The following VPS8 variants were observed in gnomAD, a reference collection of about 807,000 sequenced individuals.
VPS8 encodes VPS8 subunit of CORVET complex, also known as vacuolar protein sorting-associated protein 8 homolog.
Under a neutral mutation model 216.4 loss-of-function variants are expected in VPS8, and 129 were observed. The observed-to-expected ratio is 0.60, with a 90% CI of 0.52 to 0.69. The LOEUF (loss-of-function observed/expected upper bound fraction) is 0.69. VPS8 is among the 30% of genes least tolerant of loss of function. VPS8 has a pLI of 0.00. For missense variants in VPS8, 1,531 were observed against 1,683.5 expected, an observed-to-expected ratio of 0.91 and a Z score of 1.59; for synonymous variants, 571 against 565.4, an observed-to-expected ratio of 1.01 and a Z score of -0.14.
At chr3:184,890,265 C>G (rs1732098987) in intron 22 of VPS8, among the ~76,000 whole-genome samples, 1 of 152,148 alleles carries the variant, frequency 6.6e-6, no homozygotes, top group Non-Finnish European at 1.5e-5. Context: ...TTAAGGAATG[C>G]TCAGATTTTG....
chr3:184,986,696 C>G (rs1027246282), intron 42 of VPS8, among the ~76,000 whole-genome samples: 13 of 152,146 alleles, frequency 8.5e-5, no homozygotes, highest in Non-Finnish European at 1.5e-4. Context: ...CTGTCACTCT[C>G]CATGGAGCTG....
At chr3:184,950,383 G>A (rs1006168740) in intron 36 of VPS8, among the ~76,000 whole-genome samples, 4 of 151,750 alleles carry the variant, frequency 2.6e-5, no homozygotes, top group African/African-American at 9.7e-5. Flanking sequence ...AGGCTAAGCC[G>A]AAGTGGACCT....
chr3:184,953,461 A>T (rs2109433033), intron 36 of VPS8, among the ~76,000 whole-genome samples: 1 of 152,290 alleles, frequency 6.6e-6, no homozygotes, highest in African/African-American at 2.4e-5. Flanking sequence ...TGGGGTCAGC[A>T]GAAGGAATAT....
intron 21 of VPS8, among the ~76,000 whole-genome samples, chr3:184,875,732 A>G (rs899825133): frequency 1.3e-5 from 2 of 151,134 alleles, no homozygotes; most frequent in African/African-American, 2.4e-5. Context: ...CACACCTACA[A>G]TCTCAGCATT....
chr3:184,922,733 A>G (rs935624716), intron 29 of VPS8, among the ~76,000 whole-genome samples: 5 of 152,136 alleles, frequency 3.3e-5, no homozygotes, highest in Admixed American at 3.3e-4. Flanking sequence ...GAGGAGGAGT[A>G]TAGGCAGTGA....
At chr3:184,824,096 T>G (rs924043490) in intron 1 of VPS8, 19 of 152,620 alleles carry the variant, frequency 1.2e-4, no homozygotes, top group African/African-American at 4.6e-4. Flanking sequence ...GAGACGTCTG[T>G]GGCCCTGTGC....
In VPS8 at chr3:184,996,485, G is replaced by A; in HGVS notation, c.3820G>A (p.Glu1274Lys). Residue 1274 changes from glutamate to lysine, a missense_variant, in exon 44 of 48, where the codon GAA becomes AAA. Physicochemically the swap from Glu to Lys is moderately conservative, Grantham distance 56 (BLOSUM62 1). This residue lies in a region of VPS8 where 1,318 missense variants were observed against 1,468.4 expected (regional missense o/e 0.90). Coordinates refer to ENST00000625842, the MANE Select transcript of VPS8 (RefSeq NM_001009921.3). ...CAAGAGACGCCAAGAAATGGCTGAT[G>A]AAATAATTGTCTTTAGGTAAGAAAG... is the stretch of plus-strand genomic sequence containing the variant. The part of the protein sequence containing the change: ...QYKRRQEMAD[E>K]IIVFSCGHLY... 6.2e-7 allele frequency: 1 copy of A among 1,605,788 alleles called. No homozygotes were observed. The highest frequency in any genetic ancestry group is 8.5e-7 in the Non-Finnish European group (1 of 1,176,380).
chr3:185,043,782 A>G (rs574362254), intron 46 of VPS8, among the ~76,000 whole-genome samples: 2 of 152,308 alleles, frequency 1.3e-5, no homozygotes, highest in Admixed American at 6.5e-5. Context: ...AAGCAGAATC[A>G]TGAAGGATCC....
intron 35 of VPS8, among the ~76,000 whole-genome samples, chr3:184,939,443 T>C (rs973521274): frequency 2.6e-5 from 4 of 152,008 alleles, no homozygotes; most frequent in Non-Finnish European, 5.9e-5. Context: ...AATTTTTGCA[T>C]AGGTTTCCCA....
chr3:184,911,505 T>C (rs1736523794), intron 25 of VPS8, among the ~76,000 whole-genome samples: 1 of 152,222 alleles, frequency 6.6e-6, no homozygotes, highest in Non-Finnish European at 1.5e-5. Flanking sequence ...CTGTGCTTTT[T>C]CCACAGAGGG....
chr3:184,833,773 A>G (rs1004194315), intron 4 of VPS8, among the ~76,000 whole-genome samples: 4 of 152,180 alleles, frequency 2.6e-5, no homozygotes, highest in Non-Finnish European at 4.4e-5. Context: ...ACAAACTCCT[A>G]GTCATCCATC....
Position 184,868,052 on chromosome 3 carries a change from G to A in VPS8, c.1499G>A (p.Trp500Ter). The A allele has an allele frequency of 6.2e-7, 1 of 1,612,966 alleles. No homozygotes were observed. Among genetic ancestry groups the A allele is most frequent in the Non-Finnish European group, 8.5e-7 (1 of 1,179,684 alleles). Residue 500 changes from tryptophan (W) to a stop codon, truncating the protein, a stop_gained, in exon 18 of 48, where the codon TGG becomes TAG. Transcript: ENST00000625842. LOFTEE classifies it high-confidence loss of function. Reference sequence around the variant, plus strand: ...GTTTATGTGATGATGCTGAGGAGCTGGAGAGAGGTGAGTTCCAAGTAATTT... The same window carrying A: ...GTTTATGTGATGATGCTGAGGAGCTAGAGAGAGGTGAGTTCCAAGTAATTT... ...KSVYVMMLRS[W>*]RERVDHLLKQ...
At chr3:185,024,456 A>G (rs1757077896) in intron 46 of VPS8, 67 bp downstream of exon 46, 3 of 1,451,412 alleles carry the variant, frequency 2.1e-6, no homozygotes, top group South Asian at 2.5e-5. Context: ...ATGTGGAACA[A>G]TATTCTCAAC....
intron 7 of VPS8, 142 bp downstream of exon 7, chr3:184,839,894 T>C: frequency 2.8e-6 from 4 of 1,417,410 alleles, no homozygotes; most frequent in Non-Finnish European, 3.7e-6. Context: ...TCAGTATTTT[T>C]ATAGCTAAAA....
chr3:184,956,871 C>T (rs896348227), intron 36 of VPS8, among the ~76,000 whole-genome samples: 9 of 152,240 alleles, frequency 5.9e-5, no homozygotes, highest in African/African-American at 1.9e-4. Flanking sequence ...TGGTTAGCTT[C>T]AAAAATTTAC....
At chr3:185,018,510 G>A (rs1756156846) in intron 45 of VPS8, among the ~76,000 whole-genome samples, 1 of 152,160 alleles carries the variant, frequency 6.6e-6, no homozygotes, top group African/African-American at 2.4e-5. Flanking sequence ...GTTGGGCCTG[G>A]GCGTTGCAAG....
intron 1 of VPS8, among the ~76,000 whole-genome samples, chr3:184,815,117 A>T (rs1323610015): frequency 6.6e-6 from 1 of 152,176 alleles, no homozygotes; most frequent in Non-Finnish European, 1.5e-5. Context: ...GTCATCTCTT[A>T]TGATAACAGT....
chr3:185,023,133 C>G (rs1282785849), intron 45 of VPS8, among the ~76,000 whole-genome samples: 1 of 152,194 alleles, frequency 6.6e-6, no homozygotes, highest in African/African-American at 2.4e-5. Flanking sequence ...CTCTCCTGTT[C>G]CCTGGCAACC....
chr3:184,912,062 A>AT (rs1030005044), intron 25 of VPS8, among the ~76,000 whole-genome samples: 6 of 152,034 alleles, frequency 3.9e-5, no homozygotes, highest in East Asian at 1.9e-4. Flanking sequence ...CGTCCTTTTA[A>AT]TTTTTTTGCA....
Sources: allele counts gnomAD v4.1 joint callset (sites outside exome capture counted in the v4.1 genomes callset), GRCh38; gene constraint gnomAD v4.1.1; regional missense constraint gnomAD v4.1.1; transcripts MANE v1.5; gene names NCBI Gene and HGNC (gene_info 2026-07-23, HGNC 2026-07-21).